Variants in EYA1 observed in about 807,000 individuals in gnomAD.
The protein encoded by EYA1 is EYA transcriptional coactivator and phosphatase 1.
Under a neutral mutation model 82.0 loss-of-function variants are expected in EYA1, and 16 were observed. The observed-to-expected ratio is 0.20, with a 90% CI of 0.13 to 0.30. EYA1 has a LOEUF of 0.30. EYA1 is among the 10% of genes least tolerant of loss of function. The pLI, the probability that EYA1 is intolerant of heterozygous loss-of-function variation, is 1.00. For synonymous variants in EYA1, 261 were observed against 264.4 expected, an observed-to-expected ratio of 0.99 and a Z score of 0.12; for missense variants, 633 against 730.7, an observed-to-expected ratio of 0.87 and a Z score of 1.54.
intron 2 of EYA1, among the ~76,000 whole-genome samples, chr8:71,382,857 T>A (rs1286773945): frequency 6.6e-6 from 1 of 152,042 alleles, no homozygotes; most frequent in Admixed American, 6.6e-5. Flanking sequence ...CTATAACGAA[T>A]ACATTTTGAT....
intron 2 of EYA1, among the ~76,000 whole-genome samples, chr8:71,443,765 T>C (rs1212842000): frequency 1.3e-5 from 2 of 152,196 alleles, no homozygotes; most frequent in Non-Finnish European, 2.9e-5. Flanking sequence ...CCCAGTTGGG[T>C]CCACCCTTAA....
chr8:71,352,968 T>C (rs1250145099), intron 3 of EYA1, among the ~76,000 whole-genome samples: 1 of 152,202 alleles, frequency 6.6e-6, no homozygotes, highest in Non-Finnish European at 1.5e-5. Flanking sequence ...AACTTCTTAG[T>C]CCTACTCATT....
rs575521609 is a variant in EYA1, at chr8:71,245,167, C to T, written c.1051-475G>A. On this transcript the variant is annotated intron_variant, in intron 11 of 17. Transcript: ENST00000340726. ...CCTGCAGGCTGCGTGCAGCCCAGTA[C>T]GGCTTTGAATGCAGCCCAACACAAA... 2.3e-4 allele frequency among the ~76,000 whole-genome samples: 35 copies of T among 152,214 alleles called. No homozygotes were observed. The East Asian group carries it at 2.7e-3, about 12-fold the overall frequency.
intron 2 of EYA1, among the ~76,000 whole-genome samples, chr8:71,356,054 T>G (rs1290374152): frequency 6.6e-6 from 1 of 152,228 alleles, no homozygotes; most frequent in Non-Finnish European, 1.5e-5. Context: ...CAATAAAAGC[T>G]ACAGTCATTT....
At chr8:71,254,871 T>C (rs1659130638) in intron 11 of EYA1, among the ~76,000 whole-genome samples, 1 of 144,432 alleles carries the variant, frequency 6.9e-6, no homozygotes. Context: ...CAGAGTCTGT[T>C]AGAACTAATG....
At chr8:71,272,382 A>C (rs1816651979) in intron 9 of EYA1, among the ~76,000 whole-genome samples, 10 of 152,076 alleles carry the variant, frequency 6.6e-5, no homozygotes, top group Admixed American at 6.6e-4. Flanking sequence ...TTTCTTTGAA[A>C]ATTTTACATT....
At chr8:71,365,010 TTTACA>T (rs975102589), upstream of EYA1, among the ~76,000 whole-genome samples, 5 of 145,152 alleles carry the variant, frequency 3.4e-5, no homozygotes, top group East Asian at 2.0e-4. Context: ...ACACACGGTA[TTTACA>T]TTACATTTGT....
intron 1 of EYA1, among the ~76,000 whole-genome samples, chr8:71,536,093 A>C (rs1253323645): frequency 6.6e-6 from 1 of 152,206 alleles, no homozygotes; most frequent in African/African-American, 2.4e-5. Flanking sequence ...CAAGGAAAGA[A>C]AGGATGGTAG....
chr8:71,288,522 G>T (rs1818641366), intron 9 of EYA1, among the ~76,000 whole-genome samples: 1 of 152,132 alleles, frequency 6.6e-6, no homozygotes, highest in African/African-American at 2.4e-5. Flanking sequence ...AAGGTCTTCT[G>T]CAAAAGAATC....
intron 17 of EYA1, among the ~76,000 whole-genome samples, chr8:71,205,874 AAGAG>A (rs1585755474): frequency 6.6e-6 from 1 of 152,238 alleles, no homozygotes; most frequent in African/African-American, 2.4e-5. Flanking sequence ...ACAGGAAACT[AAGAG>A]AGACAAGCTA....
At chr8:71,425,027 G>A (rs1426358844) in intron 2 of EYA1, among the ~76,000 whole-genome samples, 3 of 147,376 alleles carry the variant, frequency 2.0e-5, no homozygotes, top group African/African-American at 5.0e-5. Context: ...TTGGGAGGCC[G>A]AGACGGGCGG....
Position 71,258,581 on chromosome 8 carries a change from A to C in EYA1, c.1050+11159T>G, listed in dbSNP as rs1368831912. Among the ~76,000 whole-genome samples the C allele has an allele frequency of 2.6e-5, 4 of 152,226 alleles. No homozygotes were observed. In the East Asian group the frequency reaches 7.7e-4, roughly 29 times the overall value. Reference sequence around the variant, plus strand: ...ATTAGCAGGGGACCTTACCCACTACAGAAACCACCAGGAATTTTTCTAGGT... The same window carrying C: ...ATTAGCAGGGGACCTTACCCACTACCGAAACCACCAGGAATTTTTCTAGGT... On this transcript the variant is annotated intron_variant, in intron 11 of 17. Transcript: ENST00000340726.
At chr8:71,419,353 G>A (rs1831022340) in intron 2 of EYA1, among the ~76,000 whole-genome samples, 1 of 152,080 alleles carries the variant, frequency 6.6e-6, no homozygotes, top group African/African-American at 2.4e-5. Context: ...GCAGCACAAA[G>A]CATACCAGAA....
chr8:71,493,018 G>C (rs1394176358), intron 2 of EYA1, among the ~76,000 whole-genome samples: 3 of 152,148 alleles, frequency 2.0e-5, no homozygotes, highest in Non-Finnish European at 4.4e-5. Context: ...TGTGCTAATT[G>C]GTTTTCTATT....
At chr8:71,533,830 C>T (rs555993733) in intron 2 of EYA1, among the ~76,000 whole-genome samples, 3 of 152,240 alleles carry the variant, frequency 2.0e-5, no homozygotes, top group African/African-American at 7.2e-5. Flanking sequence ...ACAGTGTTTG[C>T]CTATGAGAAA....
At chr8:71,236,487 A>G (rs1237108904) in intron 12 of EYA1, among the ~76,000 whole-genome samples, 4 of 152,172 alleles carry the variant, frequency 2.6e-5, no homozygotes, top group Non-Finnish European at 5.9e-5. Flanking sequence ...AAGTTTTATG[A>G]GGATGTATTT....
intron 2 of EYA1, among the ~76,000 whole-genome samples, chr8:71,476,919 C>G (rs1442734957): frequency 6.6e-6 from 1 of 151,982 alleles, no homozygotes; most frequent in Non-Finnish European, 1.5e-5. Flanking sequence ...CAAAAACACA[C>G]CCACACATCT....
In EYA1 at chr8:71,347,838, TAG is replaced by T. The variant is rs1285618568; in HGVS notation, c.124+6942_124+6943del. ...ACATACCTCTTTGGAATGTGTTTGG[TAG>T]AGTCTGTCTACCATTTTTTGGTGTA... On this transcript the variant is annotated intron_variant, in intron 3 of 17. Transcript: ENST00000340726. Among the ~76,000 whole-genome samples, 4 of 139,418 alleles carry T rather than the reference TAG, an allele frequency of 2.9e-5. No homozygotes were observed. In the Admixed American group the frequency reaches 3.2e-4, roughly 11 times the overall value. 91.5% of individuals were successfully genotyped at this position (139,418 alleles called of 152,430 possible). A position where few individuals can be genotyped will look rare whatever the true frequency, so the allele number is the denominator to read the frequency against.
chr8:71,330,209 C>T (rs992287022), intron 4 of EYA1, among the ~76,000 whole-genome samples: 4 of 152,130 alleles, frequency 2.6e-5, no homozygotes, highest in South Asian at 2.1e-4. Flanking sequence ...ACTGAAGAAT[C>T]GGATAGGAAC....
Sources: allele counts gnomAD v4.1 joint callset (sites outside exome capture counted in the v4.1 genomes callset), GRCh38; gene constraint gnomAD v4.1.1; transcripts MANE v1.5; gene names NCBI Gene and HGNC (gene_info 2026-07-23, HGNC 2026-07-21).